Variants in COG5 observed in about 807,000 individuals in gnomAD.
COG5 encodes the protein conserved oligomeric Golgi complex subunit 5.
COG5 carries 86 observed loss-of-function variants against 110.4 expected under a neutral mutation model. That is an observed-to-expected ratio of 0.78 (90% CI 0.65 to 0.93). The LOEUF (loss-of-function observed/expected upper bound fraction) is 0.93. COG5 is among the 40% of genes least tolerant of loss of function. COG5 has a pLI of 0.00. For synonymous variants in COG5, 360 were observed against 334.6 expected, an observed-to-expected ratio of 1.08 and a Z score of -0.83; for missense variants, 1,077 against 987.0, an observed-to-expected ratio of 1.09 and a Z score of -1.22.
Position 107,548,093 on chromosome 7 carries a change from A to C in COG5, c.417+18T>G, listed in dbSNP as rs1802585165. The C allele has an allele frequency of 6.3e-7, 1 of 1,599,750 alleles. No homozygotes were observed. Among genetic ancestry groups the C allele is most frequent in the South Asian group, 1.1e-5 (1 of 90,644 alleles). ...AAAATGAATAATAAAGTATAAAGAA[A>C]TAAAAGTAAGAAACTACCTGAAGTC... On this transcript the variant is annotated intron_variant, in intron 5 of 21. Transcript: ENST00000297135.
intron 6 of COG5, among the ~76,000 whole-genome samples, chr7:107,524,079 A>G (rs1211581703): frequency 6.6e-6 from 1 of 152,214 alleles, no homozygotes; most frequent in Non-Finnish European, 1.5e-5. Context: ...TGATCTATCA[A>G]TGGAATACTA....
chr7:107,370,920 A>C (rs545199335), intron 8 of COG5, among the ~76,000 whole-genome samples: 1 of 151,904 alleles, frequency 6.6e-6, no homozygotes, highest in Non-Finnish European at 1.5e-5. Context: ...ACACATGGTA[A>C]TAAGGCAGCT....
At chr7:107,209,745 GC>G in intron 21 of COG5, 1 of 891,526 alleles carries the variant, frequency 1.1e-6, no homozygotes, top group Non-Finnish European at 1.3e-6. Flanking sequence ...TCGGTTCCTG[GC>G]CCAGGGCCTA....
intron 5 of COG5, among the ~76,000 whole-genome samples, chr7:107,529,544 A>G (rs570458032): frequency 6.6e-6 from 1 of 152,292 alleles, no homozygotes; most frequent in African/African-American, 2.4e-5. Context: ...CATGCATAGA[A>G]ATTCCTAAAC....
intron 10 of COG5, among the ~76,000 whole-genome samples, chr7:107,344,132 G>A (rs1254705989): frequency 3.9e-5 from 6 of 152,092 alleles, no homozygotes; most frequent in African/African-American, 9.7e-5. Flanking sequence ...ATGGACTTCC[G>A]CTCTCTAACT....
At chr7:107,375,288 T>G (rs1429518335) in intron 7 of COG5, among the ~76,000 whole-genome samples, 1 of 152,070 alleles carries the variant, frequency 6.6e-6, no homozygotes, top group Non-Finnish European at 1.5e-5. Flanking sequence ...ATAATAGGCT[T>G]ACTTCTACCT....
Position 107,207,864 on chromosome 7 carries a change from A to C in COG5, c.2375+2662T>G. The C allele has an allele frequency of 3.0e-6, 3 of 985,410 alleles. No homozygotes were observed. The South Asian group carries it at 1.4e-4, about 46-fold the overall frequency. 61.0% of individuals were successfully genotyped at this position (985,410 alleles called of 1,614,324 possible). The stretch of plus-strand genomic sequence containing the variant: ...AAGGCAGGATGGTTCACTATTTCCC[A>C]TTTATTCAGCAGCAGTAGTTACACT... On this transcript the variant is annotated intron_variant, in intron 21 of 21. Coordinates refer to ENST00000297135, the MANE Select transcript of COG5 (RefSeq NM_006348.5).
intron 6 of COG5, among the ~76,000 whole-genome samples, chr7:107,479,393 T>TA (rs781274649): frequency 6.6e-6 from 1 of 151,834 alleles, no homozygotes; most frequent in Non-Finnish European, 1.5e-5. Context: ...AAAAAACAAA[T>TA]AAAGCAGCAA....
intron 6 of COG5, among the ~76,000 whole-genome samples, chr7:107,436,265 A>G (rs906913047): frequency 6.6e-6 from 1 of 152,256 alleles, no homozygotes; most frequent in East Asian, 1.9e-4. Context: ...CGAATTATTC[A>G]GCCTTTAAAA....
At chr7:107,440,515 G>A (rs190447983) in intron 6 of COG5, among the ~76,000 whole-genome samples, 20 of 152,190 alleles carry the variant, frequency 1.3e-4, no homozygotes, top group African/African-American at 4.1e-4. Flanking sequence ...CTAATAAGAC[G>A]GTCTTTTGCA....
At position 107,523,592 on chromosome 7, in the gene COG5, A is replaced by C. The variant is rs1800492821; in HGVS notation, c.538+3645T>G. 3.9e-5 allele frequency among the ~76,000 whole-genome samples: 6 copies of C among 152,228 alleles called. No individual in the cohort carries two copies. The South Asian group carries it at 1.2e-3, about 32-fold the overall frequency. Reference sequence around the variant, plus strand: ...CACTTTGGGAGGCCGAGAAGGGTGGATCACCTGAGGTCAGAAGTTCAAGAC... The same window carrying C: ...CACTTTGGGAGGCCGAGAAGGGTGGCTCACCTGAGGTCAGAAGTTCAAGAC... On this transcript the variant is annotated intron_variant, in intron 6 of 21. Coordinates refer to ENST00000297135, the MANE Select transcript of COG5 (RefSeq NM_006348.5).
intron 19 of COG5, among the ~76,000 whole-genome samples, chr7:107,212,707 T>C (rs1799268021): frequency 6.6e-6 from 1 of 152,096 alleles, no homozygotes; most frequent in Non-Finnish European, 1.5e-5. Context: ...AAAATCCAAC[T>C]AACAATTATC....
Position 107,283,654 on chromosome 7 carries a change from A to G in COG5, c.1392T>C (p.Asp464=), listed in dbSNP as rs777554964. 6.2e-7 allele frequency: 1 copy of G among 1,613,894 alleles called. No individual in the cohort carries two copies. Among genetic ancestry groups the G allele is most frequent in the Non-Finnish European group, 8.5e-7 (1 of 1,179,796 alleles). ...YLSKSLSRLF[D]PINLVFPPGG... Reference sequence around the variant, plus strand: ...CCGGGGGAAAAACCAAGTTGATAGGATCGAAGAGTCGAGATAAGGATTTTG... The same window carrying G: ...CCGGGGGAAAAACCAAGTTGATAGGGTCGAAGAGTCGAGATAAGGATTTTG... The change falls in exon 13 of 22, where the codon GAT becomes GAC. Residue 464 remains aspartate (D), a synonymous_variant. Coordinates refer to ENST00000297135, the MANE Select transcript of COG5 (RefSeq NM_006348.5).
intron 11 of COG5, among the ~76,000 whole-genome samples, chr7:107,315,759 C>T (rs1428108607): frequency 6.6e-6 from 1 of 152,108 alleles, no homozygotes; most frequent in Non-Finnish European, 1.5e-5. Context: ...AGAAGTACTA[C>T]AGTACACTTC....
chr7:107,391,558 A>C (rs1270218357), intron 7 of COG5, among the ~76,000 whole-genome samples: 1 of 152,152 alleles, frequency 6.6e-6, no homozygotes, highest in Non-Finnish European at 1.5e-5. Flanking sequence ...ATCACTGCCA[A>C]ATCCAATGTC....
intron 1 of COG5, among the ~76,000 whole-genome samples, chr7:107,559,532 G>C (rs981727176): frequency 1.3e-5 from 2 of 152,156 alleles, no homozygotes; most frequent in African/African-American, 4.8e-5. Flanking sequence ...AACAATACCA[G>C]ACACATGGCA....
intron 6 of COG5, among the ~76,000 whole-genome samples, chr7:107,412,943 T>G (rs1563018848): frequency 6.6e-6 from 1 of 151,368 alleles, no homozygotes; most frequent in Non-Finnish European, 1.5e-5. Flanking sequence ...TTAAAGTAAA[T>G]AAATATTCTC....
At chr7:107,546,588 C>T (rs946382200) in intron 5 of COG5, among the ~76,000 whole-genome samples, 2 of 151,346 alleles carry the variant, frequency 1.3e-5, no homozygotes, top group Non-Finnish European at 2.9e-5. Flanking sequence ...GGCGTGTCAC[C>T]ATGCCTTGCT....
intron 3 of COG5, among the ~76,000 whole-genome samples, chr7:107,553,335 T>G (rs760281382): frequency 3.2e-4 from 49 of 152,328 alleles, no homozygotes; most frequent in Admixed American, 7.8e-4. Context: ...TAGTCAGATA[T>G]GTATCCCAGA....
Sources: gnomAD v4.1 joint callset for allele counts (sites outside exome capture counted in the v4.1 genomes callset) on GRCh38, gnomAD v4.1.1 for gene constraint, MANE v1.5 for transcripts, NCBI Gene and HGNC (gene_info 2026-07-23, HGNC 2026-07-21) for gene names.